LUZP2: variants seen among roughly 807,000 people sequenced by gnomAD.
LUZP2 encodes the protein leucine zipper protein 2.
In LUZP2, 52 loss-of-function variants were observed where a neutral mutation model predicts 51.6. That is an observed-to-expected ratio of 1.01 (90% CI 0.81 to 1.27). The LOEUF (loss-of-function observed/expected upper bound fraction) is 1.27. Ranked by LOEUF, LUZP2 falls within the 50% of genes most tolerant of loss-of-function variation. LUZP2 has a pLI of 0.00. For missense variants in LUZP2, 436 were observed against 395.4 expected, an observed-to-expected ratio of 1.10 and a Z score of -0.87; for synonymous variants, 154 against 137.3, an observed-to-expected ratio of 1.12 and a Z score of -0.85.
chr11:25,006,105 T>C (rs200699455), intron 9 of LUZP2, among the ~76,000 whole-genome samples: 2 of 42,988 alleles, frequency 4.7e-5, no homozygotes, highest in Non-Finnish European at 1.2e-4. Flanking sequence ...TAGTCCCCCC[T>C]ATGATTGTGC....
chr11:24,897,794 G>T (rs1408616912), intron 5 of LUZP2, among the ~76,000 whole-genome samples: 1 of 152,086 alleles, frequency 6.6e-6, no homozygotes, highest in Non-Finnish European at 1.5e-5. Context: ...TTATGTTTTT[G>T]TCCTTTTTTT....
intron 1 of LUZP2, among the ~76,000 whole-genome samples, chr11:24,709,498 G>A (rs12291971): frequency 0.024 from 3,653 of 152,016 alleles, 148 homozygotes; most frequent in African/African-American, 0.082. Flanking sequence ...AAAAGAGAAA[G>A]GGCAGATACA....
chr11:24,692,674 G>A (rs1039809098), intron 1 of LUZP2, among the ~76,000 whole-genome samples: 36 of 151,892 alleles, frequency 2.4e-4, no homozygotes, highest in Admixed American at 4.6e-4. Context: ...AGTTTTTTCA[G>A]CCACATATTG....
At chr11:24,958,527 G>GT (rs1343458161) in intron 7 of LUZP2, among the ~76,000 whole-genome samples, 1 of 152,044 alleles carries the variant, frequency 6.6e-6, no homozygotes, top group Non-Finnish European at 1.5e-5. Flanking sequence ...TTTTTCATGT[G>GT]TTTTTTGGCT....
rs1307001624 is a variant in LUZP2, at chr11:24,958,523, A to C, written c.523-18068A>C. 1.6e-4 allele frequency among the ~76,000 whole-genome samples: 24 copies of C among 151,914 alleles called. 1 individual carries two copies. Among genetic ancestry groups the C allele is most frequent in the East Asian group, 3.9e-4 (2 of 5,154 alleles). On this transcript the variant is annotated intron_variant, in intron 7 of 11. Transcript: ENST00000336930. ...GGCCAGTGATGATGAGCATTTTTTC[A>C]TGTGTTTTTTGGCTGCATAAATGTC...
Position 24,497,273 on chromosome 11 carries a change from G to A in LUZP2, c.30G>A (p.Leu10=), listed in dbSNP as rs1432695070. The stretch of plus-strand genomic sequence containing the variant: ...AATTCAGCCCAGCGCACTACCTGCT[G>A]CCTCTCCTGCCTGCGCTGGTCCTCA... MKFSPAHYL[L]PLLPALVLST... is the part of the protein sequence containing the mutation. Residue 10 remains leucine (L), a synonymous_variant, in exon 1 of 12, where the codon CTG becomes CTA. Transcript: ENST00000336930. The A allele has an allele frequency of 1.3e-6, 2 of 1,566,866 alleles. No individual in the cohort carries two copies. The highest frequency in any genetic ancestry group is 8.7e-7 in the Non-Finnish European group (1 of 1,155,088).
At chr11:24,743,630 A>G (rs912748188) in intron 4 of LUZP2, among the ~76,000 whole-genome samples, 1 of 152,030 alleles carries the variant, frequency 6.6e-6, no homozygotes, top group Non-Finnish European at 1.5e-5. Flanking sequence ...TAATATCATC[A>G]GCAAACAATG....
In LUZP2 at chr11:24,540,343, C is replaced by A. The variant is rs375155023; in HGVS notation, c.62+43038C>A. Among the ~76,000 whole-genome samples, 4 of 152,092 alleles carry A rather than the reference C, an allele frequency of 2.6e-5. No individual in the cohort carries two copies. The South Asian group carries it at 6.2e-4, about 24-fold the overall frequency. On this transcript the variant is annotated intron_variant, in intron 1 of 11. Coordinates refer to ENST00000336930, the MANE Select transcript of LUZP2 (RefSeq NM_001009909.4). ...AATATGATGGTATTTGGAGATGGGGCCTTTGGGAGGCAATTAGGGTTAGAT... is the reference window on the plus strand; with the variant it reads ...AATATGATGGTATTTGGAGATGGGGACTTTGGGAGGCAATTAGGGTTAGAT...
chr11:24,785,405 G>C (rs971748590), intron 5 of LUZP2, among the ~76,000 whole-genome samples: 1 of 151,976 alleles, frequency 6.6e-6, no homozygotes, highest in Non-Finnish European at 1.5e-5. Flanking sequence ...ATCTTCAATT[G>C]CAAGTGTCAA....
At chr11:24,720,762 G>A (rs778164780) in intron 1 of LUZP2, among the ~76,000 whole-genome samples, 1 of 152,272 alleles carries the variant, frequency 6.6e-6, no homozygotes, top group African/African-American at 2.4e-5. Context: ...GCAGTGGCGC[G>A]ATCTCGGCTT....
chr11:24,725,571 C>A (rs951904947), intron 1 of LUZP2, among the ~76,000 whole-genome samples: 2 of 151,356 alleles, frequency 1.3e-5, no homozygotes, highest in African/African-American at 4.8e-5. Context: ...AAGGATTAAT[C>A]TAAATAAATT....
At chr11:24,644,394 C>G (rs1451424766) in intron 1 of LUZP2, among the ~76,000 whole-genome samples, 2 of 152,096 alleles carry the variant, frequency 1.3e-5, no homozygotes, top group Admixed American at 1.3e-4. Flanking sequence ...ATGCTGTTTA[C>G]AACTGCACAA....
intron 9 of LUZP2, among the ~76,000 whole-genome samples, chr11:24,988,582 A>G (rs886910478): frequency 1.3e-5 from 2 of 152,076 alleles, no homozygotes; most frequent in African/African-American, 4.8e-5. Flanking sequence ...GAGTAATTTA[A>G]TTAACTATAT....
chr11:24,907,691 C>T (rs185386520), intron 6 of LUZP2, among the ~76,000 whole-genome samples: 28 of 152,200 alleles, frequency 1.8e-4, no homozygotes, highest in Admixed American at 7.9e-4. Context: ...GTTCAGGGTT[C>T]ACATGACACT....
At chr11:24,633,080 C>G (rs1854949731) in intron 1 of LUZP2, among the ~76,000 whole-genome samples, 1 of 151,940 alleles carries the variant, frequency 6.6e-6, no homozygotes, top group African/African-American at 2.4e-5. Flanking sequence ...ATGTGAATTG[C>G]CTTTTCTAGT....
chr11:24,596,748 C>T (rs1853457275), intron 1 of LUZP2, among the ~76,000 whole-genome samples: 1 of 152,140 alleles, frequency 6.6e-6, no homozygotes, highest in South Asian at 2.1e-4. Flanking sequence ...AACTACAGTT[C>T]TTGGCTGAGG....
chr11:24,857,143 G>A (rs2134236461), intron 5 of LUZP2, among the ~76,000 whole-genome samples: 1 of 151,834 alleles, frequency 6.6e-6, no homozygotes, highest in South Asian at 2.1e-4. Flanking sequence ...ACCATAATTA[G>A]TTACCACTGT....
intron 9 of LUZP2, among the ~76,000 whole-genome samples, chr11:25,029,094 G>A (rs1857575998): frequency 6.6e-6 from 1 of 152,094 alleles, no homozygotes; most frequent in African/African-American, 2.4e-5. Flanking sequence ...AGGGTAGTGG[G>A]GACCTGGTGG....
intron 1 of LUZP2, among the ~76,000 whole-genome samples, chr11:24,522,517 G>A (rs117173207): frequency 0.01 from 1,597 of 152,144 alleles, 17 homozygotes; most frequent in Non-Finnish European, 0.017. Context: ...AGTCCTTTGA[G>A]GACAGGGTGT....
Sources: gnomAD v4.1 joint callset for allele counts (sites outside exome capture counted in the v4.1 genomes callset) on GRCh38, gnomAD v4.1.1 for gene constraint, MANE v1.5 for transcripts, NCBI Gene and HGNC (gene_info 2026-07-23, HGNC 2026-07-21) for gene names.